The following NRG1 variants were observed in gnomAD, a reference collection of about 807,000 sequenced individuals.
NRG1 encodes the protein pro-neuregulin-1, membrane-bound isoform.
A neutral mutation model predicts 63.8 loss-of-function variants in NRG1; 18 were observed. The ratio of observed to expected loss-of-function variants is 0.28; its 90% CI spans 0.19 to 0.42. The LOEUF (loss-of-function observed/expected upper bound fraction) is 0.42. Ranked by LOEUF, NRG1 falls within the 10% of genes least tolerant of loss-of-function variation. NRG1 has a pLI of 1.00. For missense variants in NRG1, 762 were observed against 814.7 expected (o/e 0.94, Z 0.79); for synonymous variants, 302 against 301.3 (o/e 1.00, Z -0.02).
intron 1 of NRG1, among the ~76,000 whole-genome samples, chr8:31,983,061 A>T (rs1809432166): frequency 6.6e-6 from 1 of 152,152 alleles, no homozygotes; most frequent in South Asian, 2.1e-4. Flanking sequence ...TGTGAATAAT[A>T]TCATACCTTT....
At chr8:32,740,236 C>G (rs978826026) in intron 6 of NRG1, among the ~76,000 whole-genome samples, 3 of 123,044 alleles carry the variant, frequency 2.4e-5, no homozygotes, top group Non-Finnish European at 4.7e-5. Context: ...GCTCTTGTCT[C>G]CCAGGCTGGA....
chr8:32,232,230 T>C (rs1481710042), intron 1 of NRG1, among the ~76,000 whole-genome samples: 1 of 152,148 alleles, frequency 6.6e-6, no homozygotes, highest in Non-Finnish European at 1.5e-5. Flanking sequence ...AAAAACTTGA[T>C]GATTCAAATC....
At chr8:32,001,834 C>A (rs1309216517) in intron 1 of NRG1, among the ~76,000 whole-genome samples, 2 of 151,950 alleles carry the variant, frequency 1.3e-5, no homozygotes, top group East Asian at 3.9e-4. Context: ...ATCAACATGA[C>A]TTTATACCAT....
chr8:32,756,519 A>G (rs1046570072), exon 9 of NRG1: 1 of 1,611,658 alleles, frequency 6.2e-7, no homozygotes, highest in Non-Finnish European at 8.5e-7. Flanking sequence ...GAGAATGTCC[A>G]GCTGGTGAAT....
At chr8:32,349,394 ATGT>A (rs1805308858) in intron 1 of NRG1, among the ~76,000 whole-genome samples, 1 of 152,174 alleles carries the variant, frequency 6.6e-6, no homozygotes, top group Non-Finnish European at 1.5e-5. Flanking sequence ...GGAATTCCAA[ATGT>A]TGTTTGGACA....
chr8:31,905,231 G>C (rs545763542), intron 1 of NRG1, among the ~76,000 whole-genome samples: 1 of 152,218 alleles, frequency 6.6e-6, no homozygotes, highest in South Asian at 2.1e-4. Context: ...AAGCCTTCCA[G>C]TAAGCTCCTT....
At chr8:32,329,413 G>A (rs148191964) in intron 1 of NRG1, among the ~76,000 whole-genome samples, 65 of 152,202 alleles carry the variant, frequency 4.3e-4, no homozygotes, top group African/African-American at 1.3e-3. Flanking sequence ...ACAAGTCTAG[G>A]TGTACATTAG....
At chr8:31,710,985 C>T (rs1811685808) in intron 1 of NRG1, among the ~76,000 whole-genome samples, 1 of 152,118 alleles carries the variant, frequency 6.6e-6, no homozygotes. Context: ...ATTCTATTGG[C>T]TATCTTTATA....
At chr8:31,843,615 T>A (rs1464062356) in intron 1 of NRG1, among the ~76,000 whole-genome samples, 1 of 152,194 alleles carries the variant, frequency 6.6e-6, no homozygotes, top group Non-Finnish European at 1.5e-5. Context: ...TGAACAACAG[T>A]TTCATTGACG....
At chr8:32,368,632 A>G (rs1388871655) in intron 1 of NRG1, among the ~76,000 whole-genome samples, 1 of 152,176 alleles carries the variant, frequency 6.6e-6, no homozygotes, top group African/African-American at 2.4e-5. Flanking sequence ...AGCTTGTTCA[A>G]GTGTAGAAGC....
intron 1 of NRG1, among the ~76,000 whole-genome samples, chr8:32,333,770 G>T (rs919237626): frequency 3.3e-5 from 5 of 152,130 alleles, no homozygotes; most frequent in African/African-American, 1.2e-4. Flanking sequence ...TGTGCTTTGT[G>T]ATCTGGCTTG....
intron 1 of NRG1, among the ~76,000 whole-genome samples, chr8:31,857,148 C>G (rs1452351521): frequency 1.3e-5 from 2 of 152,246 alleles, no homozygotes; most frequent in African/African-American, 4.8e-5. Context: ...CACCCAGTTC[C>G]AGCTTCCCCC....
chr8:31,786,502 C>A (rs1820187350), intron 1 of NRG1, among the ~76,000 whole-genome samples: 1 of 152,098 alleles, frequency 6.6e-6, no homozygotes, highest in Non-Finnish European at 1.5e-5. Flanking sequence ...CAGTCAGATC[C>A]CTCAGCTTGA....
intron 1 of NRG1, among the ~76,000 whole-genome samples, chr8:32,072,619 A>G (rs996825243): frequency 1.3e-5 from 2 of 152,226 alleles, no homozygotes; most frequent in Non-Finnish European, 2.9e-5. Flanking sequence ...AGTGATCAAA[A>G]TGACCTAACT....
intron 1 of NRG1, among the ~76,000 whole-genome samples, chr8:32,175,583 C>G (rs974783479): frequency 4.6e-5 from 7 of 152,118 alleles, no homozygotes; most frequent in African/African-American, 1.7e-4. Flanking sequence ...CTAGAAAACC[C>G]CATTGTCTCA....
intron 1 of NRG1, among the ~76,000 whole-genome samples, chr8:32,346,338 T>C (rs1431793973): frequency 6.6e-6 from 1 of 150,882 alleles, no homozygotes; most frequent in Non-Finnish European, 1.5e-5. Flanking sequence ...AAAAACTCTC[T>C]CCACCTCATT....
intron 1 of NRG1, among the ~76,000 whole-genome samples, chr8:32,177,600 G>T (rs570769271): frequency 6.6e-6 from 1 of 151,752 alleles, no homozygotes; most frequent in Non-Finnish European, 1.5e-5. Context: ...GTGTCCATGT[G>T]TTCTCATTGT....
intron 1 of NRG1, among the ~76,000 whole-genome samples, chr8:32,225,393 AC>A (rs1377805901): frequency 6.6e-6 from 1 of 152,154 alleles, no homozygotes; most frequent in Non-Finnish European, 1.5e-5. Flanking sequence ...AAGTGTCCCC[AC>A]CACCAGAGTT....
chr8:32,328,006 T>G (rs1359772052), intron 1 of NRG1, among the ~76,000 whole-genome samples: 1 of 152,208 alleles, frequency 6.6e-6, no homozygotes, highest in Non-Finnish European at 1.5e-5. Context: ...TTCAAATCTT[T>G]AATGTGGAAA....
Sources: gnomAD v4.1 joint callset for allele counts (sites outside exome capture counted in the v4.1 genomes callset) on GRCh38, gnomAD v4.1.1 for gene constraint, MANE v1.5 for transcripts, NCBI Gene and HGNC (gene_info 2026-07-23, HGNC 2026-07-21) for gene names.